TBCK: variants seen among roughly 807,000 people sequenced by gnomAD.
TBCK encodes TBC domain-containing protein kinase-like protein.
A neutral mutation model predicts 113.4 loss-of-function variants in TBCK; 99 were observed. That is an observed-to-expected ratio of 0.87 (90% CI 0.74 to 1.03). The LOEUF (loss-of-function observed/expected upper bound fraction) is 1.03, where lower values mean the gene tolerates loss of function less well. Ranked by LOEUF, TBCK falls within the 50% of genes least tolerant of loss-of-function variation. TBCK has a pLI of 0.00. For missense variants in TBCK, 1,045 were observed against 1,061.3 expected, an observed-to-expected ratio of 0.98 and a Z score of 0.21; for synonymous variants, 369 against 370.8, an observed-to-expected ratio of 1.00 and a Z score of 0.05.
intron 25 of TBCK, among the ~76,000 whole-genome samples, chr4:106,074,880 C>A (rs1302413538): frequency 3.9e-5 from 6 of 152,280 alleles, no homozygotes; most frequent in African/African-American, 1.4e-4. Context: ...GACAAGCCAA[C>A]CTGACATAAT....
At position 106,250,487 on chromosome 4, in the gene TBCK, A is replaced by G. The variant is rs1202112615; in HGVS notation, c.598-9T>C. ...TGAAATAATTTTCTTCCCTAAATAA[A>G]ATGAGAAAAGAAATTTCTATTAATA... On this transcript the variant is annotated splice_polypyrimidine_tract_variant and intron_variant, in intron 6 of 25. Coordinates refer to ENST00000394708, the MANE Select transcript of TBCK (RefSeq NM_001163435.3). 1 of 1,321,952 alleles carries G rather than the reference A, an allele frequency of 7.6e-7. No individual in the cohort carries two copies. The allele number at this position is 1,321,952 out of a possible 1,614,324, so 81.9% of individuals were successfully genotyped here. A position where few individuals can be genotyped will look rare whatever the true frequency, so the allele number is the denominator to read the frequency against.
intron 22 of TBCK, among the ~76,000 whole-genome samples, chr4:106,182,891 T>C (rs1439613582): frequency 6.6e-6 from 1 of 152,078 alleles, no homozygotes; most frequent in African/African-American, 2.4e-5. Context: ...AATAAAATTA[T>C]AGTGGATAGA....
At chr4:106,246,049 C>A (rs919058625) in intron 10 of TBCK, among the ~76,000 whole-genome samples, 3 of 152,148 alleles carry the variant, frequency 2.0e-5, no homozygotes, top group Admixed American at 1.3e-4. Flanking sequence ...CATGGGGAGG[C>A]AACCAACACA....
chr4:106,263,505 G>C (rs941718100), intron 3 of TBCK, among the ~76,000 whole-genome samples: 1 of 151,806 alleles, frequency 6.6e-6, no homozygotes, highest in Non-Finnish European at 1.5e-5. Flanking sequence ...GGGCTTGGGT[G>C]GGGGGTAGGT....
intron 20 of TBCK, among the ~76,000 whole-genome samples, chr4:106,198,477 C>T (rs1306512238): frequency 6.6e-6 from 1 of 152,158 alleles, no homozygotes; most frequent in Admixed American, 6.5e-5. Flanking sequence ...ATGCACTTTG[C>T]ATTTTCTTCT....
At chr4:106,154,651 G>A (rs150427564) in intron 23 of TBCK, among the ~76,000 whole-genome samples, 1,964 of 152,126 alleles carry the variant, frequency 0.013, 17 homozygotes, top group Non-Finnish European at 0.02. Context: ...TTTCTGCCAC[G>A]TAAGATGCCT....
chr4:106,069,000 T>C (rs1443658516), intron 25 of TBCK, among the ~76,000 whole-genome samples: 1 of 152,216 alleles, frequency 6.6e-6, no homozygotes, highest in Non-Finnish European at 1.5e-5. Context: ...TGTTTGATTT[T>C]TTCTTGTAAA....
chr4:106,118,440 A>G (rs1743822477), intron 23 of TBCK, among the ~76,000 whole-genome samples: 1 of 152,170 alleles, frequency 6.6e-6, no homozygotes, highest in Admixed American at 6.5e-5. Context: ...AAGAATCTTA[A>G]TTTTTTAATA....
intron 24 of TBCK, among the ~76,000 whole-genome samples, chr4:106,114,018 T>C (rs1373616521): frequency 6.6e-6 from 1 of 152,192 alleles, no homozygotes; most frequent in Non-Finnish European, 1.5e-5. Context: ...CACTCCTTAA[T>C]TGGAAAAGAA....
intron 23 of TBCK, among the ~76,000 whole-genome samples, chr4:106,132,823 G>A (rs910675556): frequency 2.0e-5 from 3 of 152,204 alleles, no homozygotes; most frequent in Non-Finnish European, 4.4e-5. Flanking sequence ...AAAGTTTAAT[G>A]ACTGCCTTAT....
intron 22 of TBCK, among the ~76,000 whole-genome samples, chr4:106,181,682 T>A (rs1297538401): frequency 6.6e-6 from 1 of 152,136 alleles, no homozygotes. Context: ...TGATTGTAGA[T>A]GTGTGGTGTT....
chr4:106,277,972 G>C (rs1204761537), intron 3 of TBCK, among the ~76,000 whole-genome samples: 1 of 152,108 alleles, frequency 6.6e-6, no homozygotes, highest in Non-Finnish European at 1.5e-5. Context: ...AAATAATAAA[G>C]ATGGGTTAAA....
intron 25 of TBCK, among the ~76,000 whole-genome samples, chr4:106,048,837 C>A (rs929841582): frequency 2.0e-5 from 3 of 152,110 alleles, no homozygotes; most frequent in Non-Finnish European, 2.9e-5. Flanking sequence ...TCCCTAACAA[C>A]CAGGCTGCTA....
chr4:106,283,286 A>C (rs995017055), intron 3 of TBCK, among the ~76,000 whole-genome samples: 2 of 152,164 alleles, frequency 1.3e-5, no homozygotes, highest in African/African-American at 4.8e-5. Context: ...TATGTATGTC[A>C]AAAACGTTAA....
chr4:106,092,852 G>A (rs1016308645), intron 25 of TBCK, among the ~76,000 whole-genome samples: 20 of 152,212 alleles, frequency 1.3e-4, no homozygotes, highest in South Asian at 8.3e-4. Context: ...GTGCAGTGGC[G>A]AGCTGAAGGG....
chr4:106,247,107 A>G (rs557727446), intron 10 of TBCK, 32 bp downstream of exon 10: 2 of 1,594,942 alleles, frequency 1.3e-6, no homozygotes, highest in Middle Eastern at 1.7e-4. Context: ...AACAAGGCTC[A>G]TATTATTCTC....
At chr4:106,298,733 G>A (rs960200317) in intron 2 of TBCK, among the ~76,000 whole-genome samples, 6 of 152,142 alleles carry the variant, frequency 3.9e-5, no homozygotes, top group Non-Finnish European at 5.9e-5. Context: ...TTTTCTATTC[G>A]TGAAATTGTG....
rs563947245 is a variant in TBCK, at chr4:106,144,967, A to T, written c.2235+26128T>A. Among the ~76,000 whole-genome samples, 169 of 146,692 alleles carry T rather than the reference A, an allele frequency of 1.2e-3. 2 individuals are homozygous for T. The highest frequency in any genetic ancestry group is 4.0e-3 in the African/African-American group (161 of 39,766). ...GAACTGGGAGGCGGAGGTTGCAGGG[A>T]GCTGAGATCGCTACTGCACTCCAGC... On this transcript the variant is annotated intron_variant, in intron 23 of 25. Transcript: ENST00000394708.
intron 24 of TBCK, among the ~76,000 whole-genome samples, chr4:106,096,810 A>C (rs1740971231): frequency 6.6e-6 from 1 of 152,186 alleles, no homozygotes; most frequent in Non-Finnish European, 1.5e-5. Flanking sequence ...TTTACATGTA[A>C]AATCACCTTT....
Sources: gnomAD v4.1 joint callset for allele counts (sites outside exome capture counted in the v4.1 genomes callset) on GRCh38, gnomAD v4.1.1 for gene constraint, MANE v1.5 for transcripts, NCBI Gene and HGNC (gene_info 2026-07-23, HGNC 2026-07-21) for gene names.